The following COL5A3 variants were observed in gnomAD, a reference collection of about 807,000 sequenced individuals.
COL5A3 encodes collagen alpha-3(V) chain.
COL5A3 carries 172 observed loss-of-function variants against 250.0 expected under a neutral mutation model. The ratio of observed to expected loss-of-function variants is 0.69; its 90% CI spans 0.61 to 0.78. COL5A3 has a LOEUF of 0.78. Ranked by LOEUF, COL5A3 falls within the 30% of genes least tolerant of loss-of-function variation. COL5A3 has a pLI of 0.00. For missense variants in COL5A3, 2,340 were observed against 2,334.4 expected (o/e 1.00, Z -0.05); for synonymous variants, 937 against 900.4 (o/e 1.04, Z -0.73).
At chr19:9,974,507 G>T in intron 45 of COL5A3, 99 bp from the exon 46 acceptor site, 3 of 897,702 alleles carry the variant, frequency 3.3e-6, no homozygotes, top group East Asian at 2.8e-5. Context: ...TTGGAGTCAG[G>T]GTTCAGATTA....
At chr19:9,989,689 A>G (rs2087158375) in intron 24 of COL5A3, among the ~76,000 whole-genome samples, 167 bp from the exon 25 acceptor site, 1 of 152,232 alleles carries the variant, frequency 6.6e-6, no homozygotes, top group African/African-American at 2.4e-5. Context: ...ACCCCAGGCA[A>G]GCCCATTTCC....
intron 51 of COL5A3, among the ~76,000 whole-genome samples, chr19:9,972,711 C>T (rs11669944): frequency 0.051 from 7,788 of 152,192 alleles, 250 homozygotes; most frequent in Middle Eastern, 0.075. Flanking sequence ...TGGCGCGTGC[C>T]TGTAGTCCTG....
In COL5A3 at chr19:9,960,256, T is replaced by C; in HGVS notation, c.*155A>G. 1 of 949,344 alleles carries C rather than the reference T, an allele frequency of 1.1e-6. No homozygotes were observed. The highest frequency in any genetic ancestry group is 1.6e-6 in the Non-Finnish European group (1 of 642,368). 58.8% of individuals were successfully genotyped at this position (949,344 alleles called of 1,614,324 possible). A position where few individuals can be genotyped will look rare whatever the true frequency, so the allele number is the denominator to read the frequency against. ...CAGGGAACCCCAGCCCCCAGCACCC[T>C]GGAAAGGAGAAGGAATGACTGTCCG... On this transcript the variant is annotated 3_prime_UTR_variant, in exon 67 of 67. Coordinates refer to ENST00000264828, the MANE Select transcript of COL5A3 (RefSeq NM_015719.4).
intron 19 of COL5A3, 128 bp downstream of exon 19, chr19:9,993,252 T>G: frequency 1.7e-6 from 2 of 1,173,396 alleles, no homozygotes; most frequent in Middle Eastern, 2.0e-4. Flanking sequence ...AAGTCTCACC[T>G]CCTCACCCCA....
intron 1 of COL5A3, among the ~76,000 whole-genome samples, chr19:10,007,852 C>T (rs956639510): frequency 2.0e-5 from 3 of 152,066 alleles, no homozygotes; most frequent in Non-Finnish European, 4.4e-5. Flanking sequence ...CCCATCCCTG[C>T]CCGCCCTCTC....
intron 24 of COL5A3, among the ~76,000 whole-genome samples, chr19:9,990,004 G>A (rs531081188): frequency 1.7e-3 from 261 of 151,486 alleles, no homozygotes; most frequent in Middle Eastern, 6.8e-3. Context: ...CACCCACCTC[G>A]GCCTCCCAAA....
rs984035028 is a variant in COL5A3, at chr19:9,959,700, G to A, written c.*711C>T. ...GGAAGCAGATGAAATCTACAACAGGGGGGACTTTCCCTTTTAATACAGACC... is the reference window on the plus strand; with the variant it reads ...GGAAGCAGATGAAATCTACAACAGGAGGGACTTTCCCTTTTAATACAGACC... On this transcript the variant is annotated 3_prime_UTR_variant, in exon 67 of 67. Transcript: ENST00000264828. 1 of 152,546 alleles carries A rather than the reference G, an allele frequency of 6.6e-6. No homozygotes were observed. Among genetic ancestry groups the A allele is most frequent in the Non-Finnish European group, 1.5e-5 (1 of 68,076 alleles). The allele number at this position is 152,546 out of a possible 1,614,324, so 9.4% of individuals were successfully genotyped here.
rs530344879 is a variant in COL5A3, at chr19:10,001,141, T to A, written c.1110+383A>T. Among the ~76,000 whole-genome samples, 74 of 152,142 alleles carry A rather than the reference T, an allele frequency of 4.9e-4. 3 individuals are homozygous for A. In the South Asian group the frequency reaches 0.015, roughly 31 times the overall value. On this transcript the variant is annotated intron_variant, in intron 8 of 66. Coordinates refer to ENST00000264828, the MANE Select transcript of COL5A3 (RefSeq NM_015719.4). ...AAAAAATTAAATTAAATAATTTTTTTAAATTGTTCGGTTTTTTTTTTCAAG... is the reference window on the plus strand; with the variant it reads ...AAAAAATTAAATTAAATAATTTTTTAAAATTGTTCGGTTTTTTTTTTCAAG...
chr19:10,005,365 T>A (rs1050123874), intron 4 of COL5A3, among the ~76,000 whole-genome samples, 193 bp downstream of exon 4: 5 of 151,050 alleles, frequency 3.3e-5, no homozygotes, highest in Middle Eastern at 3.4e-3. Flanking sequence ...AAAAAAAAAA[T>A]TATTGTCTTG....
At position 9,972,970 on chromosome 19, in the gene COL5A3, T is replaced by C. The variant is rs2086874497; in HGVS notation, c.3723A>G (p.Gly1241=). The C allele has an allele frequency of 6.2e-7, 1 of 1,611,122 alleles. No homozygotes were observed. The highest frequency in any genetic ancestry group is 8.5e-7 in the Non-Finnish European group (1 of 1,178,992). ...KGDSGPSGAA[G]PPGKKGPPGE... ...CAGGGGGACCTTTCTTGCCTGGGGG[T>C]CCAGCAGCTCCAGATGGGCCTGAGT... The change falls in exon 51 of 67, where the codon GGA becomes GGG. Residue 1241 remains glycine (G), a synonymous_variant. Transcript: ENST00000264828.
intron 16 of COL5A3, 69 bp from the exon 17 acceptor site, chr19:9,993,875 C>G: frequency 7.3e-7 from 1 of 1,372,464 alleles, no homozygotes; most frequent in Admixed American, 2.0e-5. Flanking sequence ...ATTAGGAACC[C>G]AACTTCATCA....
Position 9,978,979 on chromosome 19 carries a change from C to A in COL5A3, c.2876G>T (p.Gly959Val). Residue 959 changes from glycine to valine, a missense_variant and splice_region_variant, in exon 40 of 67, where the codon GGG (glycine) becomes GTG (valine). By Grantham distance (109) the Gly-to-Val change is moderately radical. Around this residue, in one of 3 missense-constraint regions of COL5A3, gnomAD observed 1,179 missense variants for 1,162.6 expected, o/e 1.01. Transcript: ENST00000264828. ...PGLEGREGAK[G>V]ELGPPGPLGK... ...AAGGGGTCCTGGTGGTCCCAGTTCCCCCTACAGGAGTGCAAAGGAGGGAAG... is the reference window on the plus strand; with the variant it reads ...AAGGGGTCCTGGTGGTCCCAGTTCCACCTACAGGAGTGCAAAGGAGGGAAG... 1 of 1,547,880 alleles carries A rather than the reference C, an allele frequency of 6.5e-7. No individual in the cohort carries two copies.
At chr19:9,967,475 ACACACACT>A (rs1007842210) in intron 61 of COL5A3, 75 bp from the exon 62 acceptor site, 175 of 894,542 alleles carry the variant, frequency 2.0e-4, no homozygotes, top group East Asian at 9.9e-4. Flanking sequence ...ACAAACACAC[ACACACACT>A]CACACACACA....
intron 8 of COL5A3, among the ~76,000 whole-genome samples, chr19:9,998,693 T>C (rs73007113): frequency 0.027 from 3,317 of 125,102 alleles, 63 homozygotes; most frequent in South Asian, 0.077. Flanking sequence ...CTTTCTTCTT[T>C]TTTTTTTTTT....
intron 11 of COL5A3, 62 bp downstream of exon 11, chr19:9,997,309 C>T: frequency 7.7e-7 from 1 of 1,295,508 alleles, no homozygotes. Context: ...TTCAGACTGT[C>T]ACGCTCCCAG....
chr19:10,005,913 A>G lies in COL5A3; in HGVS notation c.320T>C (p.Leu107Pro), dbSNP rs1366278725. ...RGQPANQSVL[L>P]SIYDERGARQ... ...GGCACCCCTTTCATCATAAATGGAC[A>G]GCAGGACAGACTGATTGGCTGGCTG... Residue 107 changes from leucine to proline, a missense_variant, in exon 3 of 67, where the codon CTG becomes CCG. By Grantham distance (98) the Leu-to-Pro change is moderately conservative. This residue lies in a region of COL5A3 where 1,152 missense variants were observed against 1,146.3 expected (regional missense o/e 1.00). Coordinates refer to ENST00000264828, the MANE Select transcript of COL5A3 (RefSeq NM_015719.4). 1 of 1,614,088 alleles carries G rather than the reference A, an allele frequency of 6.2e-7. No individual in the cohort carries two copies. The highest frequency in any genetic ancestry group is 8.5e-7 in the Non-Finnish European group (1 of 1,180,012).
intron 4 of COL5A3, among the ~76,000 whole-genome samples, chr19:10,005,151 G>C (rs1480830901): frequency 6.6e-6 from 1 of 152,162 alleles, no homozygotes; most frequent in Non-Finnish European, 1.5e-5. Flanking sequence ...GAGGCCAGGA[G>C]TTCAGGACCA....
intron 20 of COL5A3, 48 bp downstream of exon 20, chr19:9,992,975 C>T (rs1240188693): frequency 5.0e-6 from 8 of 1,609,760 alleles, no homozygotes; most frequent in Non-Finnish European, 6.8e-6. Flanking sequence ...GGAGTCCTGA[C>T]TCCCTCCCCT....
intron 1 of COL5A3, among the ~76,000 whole-genome samples, chr19:10,006,464 T>TC (rs891121265): frequency 3.3e-5 from 5 of 149,350 alleles, no homozygotes; most frequent in African/African-American, 1.2e-4. Context: ...TTTTTTTTTT[T>TC]CCCCTTGGTT....
Sources: allele counts gnomAD v4.1 joint callset (sites outside exome capture counted in the v4.1 genomes callset), GRCh38; gene constraint gnomAD v4.1.1; regional missense constraint gnomAD v4.1.1; transcripts MANE v1.5; gene names NCBI Gene and HGNC (gene_info 2026-07-23, HGNC 2026-07-21).